Variants in MMD2 observed in about 807,000 individuals in gnomAD.
MMD2 encodes monocyte to macrophage differentiation factor 2.
Under a neutral mutation model 33.5 loss-of-function variants are expected in MMD2, and 30 were observed. The observed-to-expected ratio is 0.90, with a 90% confidence interval of 0.67 to 1.22. The LOEUF (loss-of-function observed/expected upper bound fraction) is 1.22, where lower values mean the gene tolerates loss of function less well. MMD2 is among the 50% of genes most tolerant of loss of function. The pLI, the probability that MMD2 is intolerant of heterozygous loss-of-function variation, is 0.00. For missense variants in MMD2, 364 were observed against 325.4 expected, an observed-to-expected ratio of 1.12 and a Z score of -0.91; for synonymous variants, 129 against 123.0, an observed-to-expected ratio of 1.05 and a Z score of -0.32.
At chr7:4,952,401 C>T (rs1786269103) in intron 1 of MMD2, among the ~76,000 whole-genome samples, 2 of 152,340 alleles carry the variant, frequency 1.3e-5, no homozygotes, top group South Asian at 4.1e-4. Flanking sequence ...TATTGGTCAA[C>T]TCAGCTCTTC....
intron 3 of MMD2, among the ~76,000 whole-genome samples, chr7:4,918,918 T>C (rs1411859352): frequency 2.0e-5 from 3 of 151,816 alleles, no homozygotes; most frequent in Non-Finnish European, 4.4e-5. Context: ...GGCAACATGA[T>C]GAAACCCCAT....
At chr7:4,945,218 C>CTTCTTCTTCTTCTTCTTCTT in intron 1 of MMD2, among the ~76,000 whole-genome samples, 1 of 143,966 alleles carries the variant, frequency 6.9e-6, no homozygotes, top group African/African-American at 2.6e-5. Context: ...TCTTCTTCTT[C>CTTCTTCTTCTTCTTCTTCTT]TTCTTCTTCT....
intron 6 of MMD2, among the ~76,000 whole-genome samples, chr7:4,908,767 C>G (rs560748491): frequency 1.4e-4 from 21 of 151,726 alleles, no homozygotes; most frequent in South Asian, 2.1e-4. Flanking sequence ...AGTGGTGGCA[C>G]GCGCCTGTAA....
chr7:4,898,071 C>A, the MMD2 span, among the ~76,000 whole-genome samples: 1 of 152,230 alleles, frequency 6.6e-6, no homozygotes, highest in Admixed American at 6.5e-5. Context: ...ACCCTCCTGA[C>A]CTAATGCTGG....
intron 4 of MMD2, among the ~76,000 whole-genome samples, chr7:4,913,675 G>A (rs902323317): frequency 7.3e-5 from 10 of 136,550 alleles, no homozygotes; most frequent in Admixed American, 1.7e-4. Context: ...CCAAGATCAC[G>A]CCATTGCGTT....
rs1171993632 is a variant in MMD2, at chr7:4,946,159, G to A, written c.47+12812C>T. On this transcript the variant is annotated intron_variant, in intron 1 of 6. Coordinates refer to ENST00000401401, the MANE Select transcript of MMD2 (RefSeq NM_198403.4). The surrounding 1 kb of genome is among the most constrained non-coding windows in gnomAD (Gnocchi z 5.0). Reference sequence around the variant, plus strand: ...CACGCACGCACACCCACACCCGCGCGCACACCTGCACACATGCACACACAC... The same window carrying A: ...CACGCACGCACACCCACACCCGCGCACACACCTGCACACATGCACACACAC... Among the ~76,000 whole-genome samples, 2 of 144,976 alleles carry A rather than the reference G, an allele frequency of 1.4e-5. No homozygotes were observed. Among genetic ancestry groups the A allele is most frequent in the East Asian group, 2.0e-4 (1 of 4,956 alleles).
At chr7:4,908,340 C>T (rs183020545) in intron 6 of MMD2, among the ~76,000 whole-genome samples, 210 of 151,870 alleles carry the variant, frequency 1.4e-3, no homozygotes, top group African/African-American at 4.9e-3. Context: ...TGGGGTTTCA[C>T]CATGTTGGCC....
At chr7:4,943,420 G>A (rs375146718) in intron 1 of MMD2, among the ~76,000 whole-genome samples, 11 of 152,086 alleles carry the variant, frequency 7.2e-5, no homozygotes, top group East Asian at 3.9e-4. Flanking sequence ...TGAGATTACA[G>A]GCGTGCGCCA....
At chr7:4,924,170 G>C (rs1052383428) in intron 2 of MMD2, among the ~76,000 whole-genome samples, 8 of 151,362 alleles carry the variant, frequency 5.3e-5, no homozygotes, top group East Asian at 3.9e-4. Flanking sequence ...CCAGCCTGGG[G>C]AACAGAGCGA....
chr7:4,906,387 A>G lies in MMD2; in HGVS notation c.*1009T>C, dbSNP rs1334163309. 3.3e-5 allele frequency: 13 copies of G among 397,816 alleles called. No individual in the cohort carries two copies. The highest frequency in any genetic ancestry group is 5.8e-5 in the Non-Finnish European group (13 of 225,786). The allele number at this position is 397,816 out of a possible 1,614,324, so 24.6% of individuals were successfully genotyped here. Reference sequence around the variant, plus strand: ...TCCATGTGCCTTCTGTTTGGGGTACACCTGAGTAGCCTCTAACAGCCACTG... The same window carrying G: ...TCCATGTGCCTTCTGTTTGGGGTACGCCTGAGTAGCCTCTAACAGCCACTG... On this transcript the variant is annotated 3_prime_UTR_variant, in exon 7 of 7. Coordinates refer to ENST00000401401, the MANE Select transcript of MMD2 (RefSeq NM_198403.4).
At chr7:4,893,364 T>TTTA in the MMD2 span, among the ~76,000 whole-genome samples, 1 of 142,978 alleles carries the variant, frequency 7.0e-6, no homozygotes, top group East Asian at 2.1e-4. Flanking sequence ...TGGTTATTTC[T>TTTA]TTTATTTATT....
rs1465655744 is a variant in MMD2, at chr7:4,932,950, T to C, written c.48-7418A>G. Among the ~76,000 whole-genome samples, 2 of 151,514 alleles carry C rather than the reference T, an allele frequency of 1.3e-5. 1 individual carries two copies. Among genetic ancestry groups the C allele is most frequent in the Non-Finnish European group, 2.9e-5 (2 of 67,946 alleles). ...TCCGTGCTTTGCCTTTTCCAAAATG[T>C]CACCTATGTGGAGTCATACAGTTTT... On this transcript the variant is annotated intron_variant, in intron 1 of 6. Coordinates refer to ENST00000401401, the MANE Select transcript of MMD2 (RefSeq NM_198403.4).
the MMD2 span, among the ~76,000 whole-genome samples, chr7:4,894,435 G>C: frequency 6.6e-6 from 1 of 152,178 alleles, no homozygotes. The surrounding 1 kb of genome is among the most constrained non-coding windows in gnomAD (Gnocchi z 4.3). Context: ...CCTAGAGATA[G>C]TAACAGAGTG....
intron 1 of MMD2, among the ~76,000 whole-genome samples, chr7:4,953,086 G>C (rs941380592): frequency 1.3e-5 from 2 of 151,600 alleles, no homozygotes; most frequent in East Asian, 1.9e-4. Flanking sequence ...GTAATCCACC[G>C]GGATTACAGG....
At chr7:4,901,107 T>C (rs1784788398), downstream of MMD2, among the ~76,000 whole-genome samples, 1 of 149,850 alleles carries the variant, frequency 6.7e-6, no homozygotes, top group Non-Finnish European at 1.5e-5. Flanking sequence ...ACCACTGCAC[T>C]CCAGCCTGGG....
At chr7:4,897,465 T>C in the MMD2 span, among the ~76,000 whole-genome samples, 1 of 152,224 alleles carries the variant, frequency 6.6e-6, no homozygotes, top group South Asian at 2.1e-4. Flanking sequence ...CTCTCAGACA[T>C]TGTAGACATT....
chr7:4,897,665 T>C, the MMD2 span, among the ~76,000 whole-genome samples: 1 of 152,170 alleles, frequency 6.6e-6, no homozygotes, highest in South Asian at 2.1e-4. Flanking sequence ...AATTTGAAAA[T>C]GCTGATGGAG....
At position 4,939,739 on chromosome 7, in the gene MMD2, T is replaced by C. The variant is rs902511627; in HGVS notation, c.48-14207A>G. Among the ~76,000 whole-genome samples, 20 of 132,620 alleles carry C rather than the reference T, an allele frequency of 1.5e-4. No homozygotes were observed. In the South Asian group the frequency reaches 4.3e-3, roughly 29 times the overall value. 87.0% of individuals were successfully genotyped at this position (132,620 alleles called of 152,430 possible). On this transcript the variant is annotated intron_variant, in intron 1 of 6. Transcript: ENST00000401401. Reference sequence around the variant, plus strand: ...CACTTCCAATCTATTTCTTTCTTTCTTTCTTTTTTTTTTTTTTTTGAGATG... The same window carrying C: ...CACTTCCAATCTATTTCTTTCTTTCCTTCTTTTTTTTTTTTTTTTGAGATG...
chr7:4,957,835 G>A (rs1335387969), intron 1 of MMD2, among the ~76,000 whole-genome samples: 2 of 152,096 alleles, frequency 1.3e-5, no homozygotes, highest in Non-Finnish European at 2.9e-5. Flanking sequence ...GGGAAGGAAG[G>A]GTTCCGTCCT....
Sources: allele counts gnomAD v4.1 joint callset (sites outside exome capture counted in the v4.1 genomes callset), GRCh38; gene constraint gnomAD v4.1.1; non-coding constraint Gnocchi (gnomAD v3.1); transcripts MANE v1.5; gene names NCBI Gene and HGNC (gene_info 2026-07-23, HGNC 2026-07-21).